The following ASS1 variants were observed in gnomAD, a reference collection of about 807,000 sequenced individuals.
The protein encoded by ASS1 is argininosuccinate synthase 1.
ASS1 carries 58 observed loss-of-function variants against 60.5 expected under a neutral mutation model. The observed-to-expected ratio is 0.96, with a 90% CI of 0.78 to 1.19. The LOEUF is 1.19. Ranked by LOEUF, ASS1 falls within the 50% of genes most tolerant of loss-of-function variation. The pLI is 0.00. For missense variants in ASS1, 454 were observed against 547.3 expected, an observed-to-expected ratio of 0.83 and a Z score of 1.70; for synonymous variants, 200 against 206.9, an observed-to-expected ratio of 0.97 and a Z score of 0.29.
chr9:130,484,829 A>ACG (rs1374362688), intron 11 of ASS1, among the ~76,000 whole-genome samples: 1 of 138,580 alleles, frequency 7.2e-6, no homozygotes. Flanking sequence ...ACACACACAC[A>ACG]CGTGCGCGCG....
rs755924197 is a variant in ASS1 at position 130,470,865 on chromosome 9, A to G, written c.527A>G (p.Lys176Arg). Reference sequence around the variant, plus strand: ...GGGATTCCCATCCCGGTCACTCCCAAGAACCCGTGGAGCATGGATGAGAAC... The same window carrying G: ...GGGATTCCCATCCCGGTCACTCCCAGGAACCCGTGGAGCATGGATGAGAAC... ...QHGIPIPVTP[K>R]NPWSMDENLM... The change falls in exon 7 of 15, where the codon AAG becomes AGG. Residue 176 changes from lysine (K) to arginine (R), a missense_variant. Coordinates refer to ENST00000352480, the MANE Select transcript of ASS1 (RefSeq NM_054012.4). The surrounding 1 kb of genome is among the most constrained non-coding windows in gnomAD (Gnocchi z 4.3). 1.7e-5 allele frequency: 28 copies of G among 1,614,010 alleles called. No homozygotes were observed. Among genetic ancestry groups the G allele is most frequent in the African/African-American group, 2.7e-5 (2 of 74,932 alleles).
chr9:130,463,779 G>A (rs1845660480), intron 4 of ASS1, among the ~76,000 whole-genome samples: 1 of 152,186 alleles, frequency 6.6e-6, no homozygotes, highest in East Asian at 1.9e-4. Context: ...TTGAGGAAGA[G>A]ACTATAGTGC....
chr9:130,463,509 G>A (rs888461530), intron 4 of ASS1, among the ~76,000 whole-genome samples: 2 of 152,178 alleles, frequency 1.3e-5, no homozygotes, highest in African/African-American at 4.8e-5. Flanking sequence ...CTGGCTGTGT[G>A]TCCTTGGACT....
At chr9:130,466,941 C>G in intron 6 of ASS1, 142 bp downstream of exon 6, 1 of 983,608 alleles carries the variant, frequency 1.0e-6, no homozygotes, top group Non-Finnish European at 1.6e-6. Context: ...ACCCCAGCTG[C>G]CTACACACGT....
At chr9:130,483,053 G>C (rs1453140069) in intron 11 of ASS1, among the ~76,000 whole-genome samples, 1 of 152,170 alleles carries the variant, frequency 6.6e-6, no homozygotes, top group East Asian at 1.9e-4. Flanking sequence ...GGGTTGGGGA[G>C]AGAAGACAAA....
intron 1 of ASS1, among the ~76,000 whole-genome samples, chr9:130,447,057 G>A (rs1418117497): frequency 1.3e-5 from 2 of 152,234 alleles, no homozygotes; most frequent in African/African-American, 4.8e-5. Context: ...TGTCAGCGAG[G>A]GGTTGCAGGG....
At chr9:130,450,256 A>G (rs2131865391) in intron 1 of ASS1, 1 of 987,976 alleles carries the variant, frequency 1.0e-6, no homozygotes, top group South Asian at 4.7e-5. Context: ...GCAGCTGAGT[A>G]GCTCTGCTTT....
rs1395089225 is a variant in ASS1, at chr9:130,494,638, G to A, written c.971-229G>A. Among the ~76,000 whole-genome samples the A allele has an allele frequency of 6.6e-6, 1 of 152,262 alleles. No homozygotes were observed. Among genetic ancestry groups the A allele is most frequent in the Admixed American group, 6.5e-5 (1 of 15,284 alleles). On this transcript the variant is annotated intron_variant, in intron 12 of 14. Transcript: ENST00000352480. The surrounding 1 kb of genome is among the most constrained non-coding windows in gnomAD (Gnocchi z 4.3). ...CCTGACCCTTAGGGAAATGACCTAG[G>A]TGGTCACCTCCTTACCCACAGGCCC...
At position 130,478,780 on chromosome 9, in the gene ASS1, T is replaced by C. The variant is rs1309243517; in HGVS notation, c.689-936T>C. Among the ~76,000 whole-genome samples, 1 of 152,106 alleles carries C rather than the reference T, an allele frequency of 6.6e-6. No homozygotes were observed. The highest frequency in any genetic ancestry group is 2.4e-5 in the African/African-American group (1 of 41,416). The stretch of plus-strand genomic sequence containing the variant: ...CATTATTGGGCAGACTTACATTTAA[T>C]AGCAATTTACAACCAAGTTATAAAA... On this transcript the variant is annotated intron_variant, in intron 9 of 14. Coordinates refer to ENST00000352480, the MANE Select transcript of ASS1 (RefSeq NM_054012.4). This position sits in a 1 kb window ranked among gnomAD's most constrained non-coding sequence, Gnocchi z 4.7.
chr9:130,490,873 G>C (rs1170325372), intron 12 of ASS1, among the ~76,000 whole-genome samples: 2 of 152,122 alleles, frequency 1.3e-5, no homozygotes, highest in Admixed American at 1.3e-4. Context: ...GCCCTGATTT[G>C]GGGCGTTACA....
At position 130,489,928 on chromosome 9, in the gene ASS1, C is replaced by T. The variant is rs1374428321; in HGVS notation, c.970+464C>T. 6.6e-6 allele frequency among the ~76,000 whole-genome samples: 1 copy of T among 152,246 alleles called. No homozygotes were observed. The highest frequency in any genetic ancestry group is 1.5e-5 in the Non-Finnish European group (1 of 68,038). On this transcript the variant is annotated intron_variant, in intron 12 of 14. Coordinates refer to ENST00000352480, the MANE Select transcript of ASS1 (RefSeq NM_054012.4). The surrounding 1 kb of genome is among the most constrained non-coding windows in gnomAD (Gnocchi z 4.1). ...GTTTGACCCCCAAGTCAGGCTGTCT[C>T]CAGGAAGAACCTGGACCTACTCCAT...
intron 4 of ASS1, among the ~76,000 whole-genome samples, chr9:130,461,534 C>T (rs1406994537): frequency 2.0e-5 from 3 of 152,174 alleles, no homozygotes. Context: ...CTCAGAAGAC[C>T]CAACAGGGAC....
At position 130,489,423 on chromosome 9, in the gene ASS1, A is replaced by G. The variant is rs199751308; in HGVS notation, c.929A>G (p.Lys310Arg). The G allele has an allele frequency of 1.7e-5, 28 of 1,613,984 alleles. No homozygotes were observed. The highest frequency in any genetic ancestry group is 2.1e-5 in the Non-Finnish European group (25 of 1,180,026). Reference protein sequence around the residue: ...FTMDREVRKIKQGLGLKFAEL... With the variant: ...FTMDREVRKIRQGLGLKFAEL... ...ATGGACCGGGAAGTGCGCAAAATCAAACAAGGCCTGGGCTTGAAATTTGCT... is the reference window on the plus strand; with the variant it reads ...ATGGACCGGGAAGTGCGCAAAATCAGACAAGGCCTGGGCTTGAAATTTGCT... The change falls in exon 12 of 15, where the codon AAA (lysine) becomes AGA (arginine). Residue 310 changes from lysine (K) to arginine (R), a missense_variant. Lys to Arg is a conservative substitution (Grantham distance 26, BLOSUM62 2). Coordinates refer to ENST00000352480, the MANE Select transcript of ASS1 (RefSeq NM_054012.4). This position sits in a 1 kb window ranked among gnomAD's most constrained non-coding sequence, Gnocchi z 4.1.
At chr9:130,461,783 C>T (rs372637288) in intron 4 of ASS1, among the ~76,000 whole-genome samples, 2 of 152,184 alleles carry the variant, frequency 1.3e-5, no homozygotes, top group East Asian at 1.9e-4. Context: ...GCATTTACCC[C>T]CTGAGTAACC....
chr9:130,481,572 T>A (rs1846177255), intron 11 of ASS1, among the ~76,000 whole-genome samples: 1 of 152,214 alleles, frequency 6.6e-6, no homozygotes, highest in Non-Finnish European at 1.5e-5. Flanking sequence ...GCAGGATGCC[T>A]GCTTCTGGTC....
At chr9:130,480,548 C>A (rs2118842229) in intron 11 of ASS1, 99 bp downstream of exon 11, 1 of 1,312,282 alleles carries the variant, frequency 7.6e-7, no homozygotes. Context: ...CCCCCATGCT[C>A]CGTGGGCGAC....
chr9:130,466,328 G>A (rs1280258610), intron 5 of ASS1: 3 of 284,444 alleles, frequency 1.1e-5, no homozygotes, highest in South Asian at 4.0e-5. Flanking sequence ...CCACACGTGG[G>A]GCCAGGCCAG....
intron 12 of ASS1, among the ~76,000 whole-genome samples, chr9:130,490,782 T>C (rs1846430493): frequency 6.6e-6 from 1 of 152,138 alleles, no homozygotes; most frequent in South Asian, 2.1e-4. Context: ...GGTTGAGCCA[T>C]TTGAGAGAGA....
At chr9:130,468,586 T>C (rs1845799022) in intron 6 of ASS1, among the ~76,000 whole-genome samples, 1 of 151,992 alleles carries the variant, frequency 6.6e-6, no homozygotes, top group African/African-American at 2.4e-5. Context: ...TAATTTTTGT[T>C]TTTCATATAT....
Sources: gnomAD v4.1 joint callset for allele counts (sites outside exome capture counted in the v4.1 genomes callset) on GRCh38, gnomAD v4.1.1 for gene constraint, Gnocchi (gnomAD v3.1) non-coding constraint, MANE v1.5 for transcripts, NCBI Gene and HGNC (gene_info 2026-07-23, HGNC 2026-07-21) for gene names.